The following TBC1D22A variants were observed in gnomAD, a reference collection of about 807,000 sequenced individuals.
TBC1D22A encodes TBC1 domain family member 22A.
TBC1D22A carries 38 observed loss-of-function variants against 60.2 expected under a neutral mutation model. That is an observed-to-expected ratio of 0.63 (90% CI 0.49 to 0.83). The LOEUF is 0.83. Among genes scored for constraint, TBC1D22A ranks in the 40% least tolerant of loss-of-function variants. The pLI is 0.00. For synonymous variants in TBC1D22A, 302 were observed against 281.7 expected (o/e 1.07, Z -0.72); for missense variants, 628 against 701.0 (o/e 0.90, Z 1.18).
At chr22:46,915,201 G>GTGGA (rs2070269482) in intron 8 of TBC1D22A, 3 of 353,538 alleles carry the variant, frequency 8.5e-6, no homozygotes, top group Non-Finnish European at 1.7e-5. Flanking sequence ...TGGCAGCTGC[G>GTGGA]TGGATGAGAT....
chr22:47,142,830 T>G, intron 12 of TBC1D22A, among the ~76,000 whole-genome samples: 1 of 65,622 alleles, frequency 1.5e-5, no homozygotes, highest in East Asian at 5.7e-4. Context: ...CCTCCTACCC[T>G]CCCATCCACC....
intron 10 of TBC1D22A, among the ~76,000 whole-genome samples, chr22:47,035,937 A>G (rs2062641167): frequency 1.3e-5 from 2 of 152,236 alleles, no homozygotes; most frequent in Non-Finnish European, 2.9e-5. Context: ...GCAAGTTACC[A>G]GGGACTTGAG....
chr22:46,941,000 CACAT>C lies in TBC1D22A; in HGVS notation c.1015+28816_1015+28819del, dbSNP rs1234803693. Reference sequence around the variant, plus strand: ...ATATATGTATGTATGTATATATACACACATACACAGTCCACCCTTGAACAGCATG... The same window carrying C: ...ATATATGTATGTATGTATATATACACACACAGTCCACCCTTGAACAGCATG... On this transcript the variant is annotated intron_variant, in intron 8 of 12. Coordinates refer to ENST00000337137, the MANE Select transcript of TBC1D22A (RefSeq NM_014346.5). Among the ~76,000 whole-genome samples, 324 of 140,204 alleles carry C rather than the reference CACAT, an allele frequency of 2.3e-3. 4 individuals are homozygous for C. The highest frequency in any genetic ancestry group is 8.0e-3 in the African/African-American group (298 of 37,242). 92.0% of individuals were successfully genotyped at this position (140,204 alleles called of 152,430 possible).
chr22:46,829,609 A>C (rs2086221128), intron 4 of TBC1D22A, among the ~76,000 whole-genome samples: 1 of 152,336 alleles, frequency 6.6e-6, no homozygotes, highest in African/African-American at 2.4e-5. Flanking sequence ...TTACTGCATA[A>C]TTTATGAAAG....
chr22:47,011,760 C>T (rs2061759080), intron 10 of TBC1D22A, among the ~76,000 whole-genome samples: 1 of 152,144 alleles, frequency 6.6e-6, no homozygotes, highest in African/African-American at 2.4e-5. Flanking sequence ...CTTTTGTTTT[C>T]CCTGAGGATC....
chr22:46,938,084 C>T (rs1470565164), intron 8 of TBC1D22A, among the ~76,000 whole-genome samples: 1 of 152,102 alleles, frequency 6.6e-6, no homozygotes, highest in Non-Finnish European at 1.5e-5. Context: ...CTCGTGAAGT[C>T]TCCAGCTGTG....
chr22:46,792,876 T>C, intron 2 of TBC1D22A: 1 of 1,433,040 alleles, frequency 7.0e-7, no homozygotes, highest in Non-Finnish European at 9.1e-7. Flanking sequence ...AGGCCATCCA[T>C]GCTGGCTTGT....
At chr22:46,968,118 T>C (rs537625348) in intron 8 of TBC1D22A, among the ~76,000 whole-genome samples, 1 of 152,230 alleles carries the variant, frequency 6.6e-6, no homozygotes, top group Non-Finnish European at 1.5e-5. Flanking sequence ...ACCCACGCAC[T>C]GCGTGGCATG....
rs752513394 is a variant in TBC1D22A, at chr22:47,003,454, C to T, written c.1201+5745C>T. Among the ~76,000 whole-genome samples, 196 of 150,320 alleles carry T rather than the reference C, an allele frequency of 1.3e-3. 5 individuals are homozygous for T. Among genetic ancestry groups the T allele is most frequent in the East Asian group, 5.9e-4 (3 of 5,074 alleles). On this transcript the variant is annotated intron_variant, in intron 10 of 12. Transcript: ENST00000337137. Reference sequence around the variant, plus strand: ...CACATGCCTGTACACACGCACCCTACGCACACATGCCTGTACACACGCACC... The same window carrying T: ...CACATGCCTGTACACACGCACCCTATGCACACATGCCTGTACACACGCACC...
intron 11 of TBC1D22A, among the ~76,000 whole-genome samples, chr22:47,061,634 G>C (rs149768863): frequency 6.6e-6 from 1 of 152,096 alleles, no homozygotes; most frequent in East Asian, 1.9e-4. Context: ...TCCAGCATAT[G>C]CCCCTTTTCA....
intron 1 of TBC1D22A, chr22:46,774,197 G>C: frequency 2.0e-6 from 2 of 985,550 alleles, no homozygotes; most frequent in Non-Finnish European, 2.4e-6. Flanking sequence ...GGAAAACCAG[G>C]CTTGCTGTGC....
At chr22:47,146,106 G>A (rs935831863) in intron 12 of TBC1D22A, among the ~76,000 whole-genome samples, 95 of 146,208 alleles carry the variant, frequency 6.5e-4, no homozygotes, top group African/African-American at 1.9e-3. Context: ...GGGCCGCGGC[G>A]CGGGGATGTG....
intron 1 of TBC1D22A, 141 bp downstream of exon 1, chr22:46,762,989 C>G: frequency 1.4e-6 from 1 of 697,636 alleles, no homozygotes; most frequent in South Asian, 2.5e-5. Context: ...GTGTGACGGG[C>G]GTTGGGGGGC....
chr22:46,982,647 T>C (rs1842128671), intron 9 of TBC1D22A, among the ~76,000 whole-genome samples: 1 of 152,244 alleles, frequency 6.6e-6, no homozygotes. Context: ...AAGCCACTGC[T>C]GGCCTACCGG....
intron 8 of TBC1D22A, among the ~76,000 whole-genome samples, chr22:46,968,487 G>A (rs538615135): frequency 1.3e-4 from 20 of 149,466 alleles, no homozygotes; most frequent in African/African-American, 4.4e-4. Context: ...GTGGGCAGGC[G>A]TCCTCACTGC....
chr22:46,821,316 G>T (rs1405844027), intron 4 of TBC1D22A, among the ~76,000 whole-genome samples: 1 of 152,136 alleles, frequency 6.6e-6, no homozygotes, highest in South Asian at 2.1e-4. Context: ...AGTTGATGCA[G>T]TTGCTTCATA....
chr22:46,911,263 C>T (rs6007999), intron 7 of TBC1D22A, among the ~76,000 whole-genome samples: 6 of 151,936 alleles, frequency 3.9e-5, no homozygotes, highest in Admixed American at 2.0e-4. Flanking sequence ...GCCTGGCCTG[C>T]GTGCCTGAAT....
At chr22:47,144,321 C>T (rs1009951661) in intron 12 of TBC1D22A, among the ~76,000 whole-genome samples, 3 of 152,164 alleles carry the variant, frequency 2.0e-5, no homozygotes, top group African/African-American at 4.8e-5. Flanking sequence ...TCCCAGAGGA[C>T]GGCGTCCAAC....
rs1162976524 is a variant in TBC1D22A at position 47,173,560 on chromosome 22, G to A, written c.1488G>A (p.Leu496=). ...ACTGGGATGATGAGGACATCAGCCT[G>A]TTGCTGGCCGAGGCCTACCGCCTCA... ...TAHWDDEDIS[L]LLAEAYRLKF... Residue 496 remains leucine (L), a synonymous_variant, in exon 13 of 13, where the codon CTG becomes CTA. Coordinates refer to ENST00000337137, the MANE Select transcript of TBC1D22A (RefSeq NM_014346.5). The A allele has an allele frequency of 6.2e-7, 1 of 1,614,158 alleles. No individual in the cohort carries two copies. The highest frequency in any genetic ancestry group is 8.5e-7 in the Non-Finnish European group (1 of 1,180,024).
Sources: gnomAD v4.1 joint callset for allele counts (sites outside exome capture counted in the v4.1 genomes callset) on GRCh38, gnomAD v4.1.1 for gene constraint, MANE v1.5 for transcripts, NCBI Gene and HGNC (gene_info 2026-07-23, HGNC 2026-07-21) for gene names.